The following CLTCL1 variants were observed in gnomAD, a reference collection of about 807,000 sequenced individuals.
The protein encoded by CLTCL1 is clathrin heavy chain like 1, also known as clathrin heavy chain 2.
In CLTCL1, 159 loss-of-function variants were observed where a neutral mutation model predicts 190.0. The observed-to-expected ratio is 0.84, with a 90% CI of 0.74 to 0.95. The LOEUF is 0.95. Ranked by LOEUF, CLTCL1 falls within the 40% of genes least tolerant of loss-of-function variation. CLTCL1 has a pLI of 0.00. For synonymous variants in CLTCL1, 752 were observed against 769.6 expected, an observed-to-expected ratio of 0.98 and a Z score of 0.38; for missense variants, 1,878 against 2,033.4, an observed-to-expected ratio of 0.92 and a Z score of 1.47.
chr22:19,190,639 C>T (rs1475855594), intron 27 of CLTCL1, among the ~76,000 whole-genome samples: 2 of 147,720 alleles, frequency 1.4e-5, no homozygotes, highest in Non-Finnish European at 3.0e-5. Context: ...TCACAGATCA[C>T]CATAACATAT....
rs781980213 is a variant in CLTCL1 at position 19,207,010 on chromosome 22, A to ATTTT, written c.3600+1140_3600+1143dup. ...TGATTTTTGGTGACATAAACTACTA[A>ATTTT]TTTTTTTTTTTTTTTTTTTTTTTTG... On this transcript the variant is annotated intron_variant, in intron 22 of 32. Transcript: ENST00000427926. 8.0e-3 allele frequency among the ~76,000 whole-genome samples: 745 copies of ATTTT among 92,744 alleles called. 12 individuals carry two copies. Among genetic ancestry groups the ATTTT allele is most frequent in the Non-Finnish European group, 9.5e-3 (479 of 50,270 alleles). The allele number at this position is 92,744 out of a possible 152,430, so 60.8% of individuals were successfully genotyped here. A position where few individuals can be genotyped will look rare whatever the true frequency, so the allele number is the denominator to read the frequency against.
At chr22:19,221,289 G>T in intron 17 of CLTCL1, 88 bp downstream of exon 17, 2 of 969,086 alleles carry the variant, frequency 2.1e-6, no homozygotes, top group Non-Finnish European at 3.0e-6. Flanking sequence ...TGCACAGAAA[G>T]CCCTGATCAG....
At position 19,229,848 on chromosome 22, in the gene CLTCL1, T is replaced by C; in HGVS notation, c.1772A>G (p.His591Arg). Reference protein sequence around the residue: ...QTWLLEMNLVHAPQVADAILG... With the variant: ...QTWLLEMNLVRAPQVADAILG... ...CTACAAGTCACTGACCTGGGGTGCA[T>C]GAACAAGGTTCATCTCCAACAGCCA... The change falls in exon 11 of 33, where the codon CAT becomes CGT. Residue 591 changes from histidine (H) to arginine (R), a missense_variant. Physicochemically the swap from His to Arg is conservative, Grantham distance 29 (BLOSUM62 0). Transcript: ENST00000427926. 1 of 1,608,948 alleles carries C rather than the reference T, an allele frequency of 6.2e-7. No individual in the cohort carries two copies. The highest frequency in any genetic ancestry group is 8.5e-7 in the Non-Finnish European group (1 of 1,178,156).
intron 2 of CLTCL1, among the ~76,000 whole-genome samples, chr22:19,263,031 T>TAA (rs782074357): frequency 3.9e-5 from 5 of 127,104 alleles, no homozygotes; most frequent in African/African-American, 5.8e-5. Flanking sequence ...ACTCCATCTT[T>TAA]AAAAAAAAAA....
intron 3 of CLTCL1, among the ~76,000 whole-genome samples, chr22:19,252,939 A>G (rs1051714236): frequency 5.3e-5 from 8 of 150,214 alleles, no homozygotes; most frequent in Non-Finnish European, 8.9e-5. Flanking sequence ...GCATGAACCC[A>G]GGAGGCAGAG....
chr22:19,215,452 G>A (rs1357023757), intron 19 of CLTCL1, among the ~76,000 whole-genome samples: 11 of 152,170 alleles, frequency 7.2e-5, no homozygotes, highest in Non-Finnish European at 1.2e-4. Flanking sequence ...TGGCCCATGC[G>A]GAAGCACGCA....
intron 1 of CLTCL1, among the ~76,000 whole-genome samples, chr22:19,289,725 G>A (rs1312936804): frequency 6.6e-6 from 1 of 152,140 alleles, no homozygotes; most frequent in Non-Finnish European, 1.5e-5. Context: ...AGGGAAGAAG[G>A]ATACCAGATC....
At chr22:19,287,319 T>A (rs1555990663) in intron 1 of CLTCL1, among the ~76,000 whole-genome samples, 1 of 152,108 alleles carries the variant, frequency 6.6e-6, no homozygotes, top group Non-Finnish European at 1.5e-5. Flanking sequence ...AACTCCTAAC[T>A]GACAAATCAG....
intron 2 of CLTCL1, among the ~76,000 whole-genome samples, chr22:19,272,453 G>T (rs2087352529): frequency 6.6e-6 from 1 of 151,870 alleles, no homozygotes; most frequent in South Asian, 2.1e-4. Context: ...ATTTTTTTTT[G>T]AGACAGAGTT....
chr22:19,234,848 GA>G, intron 6 of CLTCL1, 142 bp from the exon 7 acceptor site: 1 of 761,152 alleles, frequency 1.3e-6, no homozygotes, highest in Non-Finnish European at 2.2e-6. Flanking sequence ...CCCTCACAGT[GA>G]AAGGAGGCAA....
intron 2 of CLTCL1, among the ~76,000 whole-genome samples, chr22:19,270,047 C>T (rs1054197022): frequency 4.6e-5 from 7 of 151,702 alleles, no homozygotes; most frequent in Admixed American, 2.0e-4. Context: ...TTCTTAATAG[C>T]TAAAAACTGG....
chr22:19,203,227 A>G (rs2084951683), intron 22 of CLTCL1, among the ~76,000 whole-genome samples: 1 of 152,184 alleles, frequency 6.6e-6, no homozygotes, highest in African/African-American at 2.4e-5. Context: ...AGGCAGGAGA[A>G]TGGCTTGAAC....
At chr22:19,202,573 A>G (rs880002819) in intron 22 of CLTCL1, among the ~76,000 whole-genome samples, 45 of 50,532 alleles carry the variant, frequency 8.9e-4, no homozygotes, top group East Asian at 7.5e-3. Context: ...CCCTCCTTCC[A>G]TCATCCATGG....
intron 7 of CLTCL1, among the ~76,000 whole-genome samples, 175 bp from the exon 8 acceptor site, chr22:19,233,797 T>C (rs532809252): frequency 6.6e-6 from 1 of 152,292 alleles, no homozygotes; most frequent in Admixed American, 6.5e-5. Flanking sequence ...ACCATAAGTA[T>C]AGGGGAATCT....
chr22:19,243,986 C>T (rs1213209659), intron 3 of CLTCL1, among the ~76,000 whole-genome samples: 3 of 152,130 alleles, frequency 2.0e-5, no homozygotes, highest in Non-Finnish European at 4.4e-5. Context: ...CTTGAGCCAC[C>T]ATGCCCAGCC....
Position 19,208,014 on chromosome 22 carries a change from AC to A in CLTCL1, c.3600+139del, listed in dbSNP as rs2085103945. 4.3e-6 allele frequency: 4 copies of A among 935,198 alleles called. No individual in the cohort carries two copies. The South Asian group carries it at 5.6e-5, about 13-fold the overall frequency. The allele number at this position is 935,198 out of a possible 1,614,324, so 57.9% of individuals were successfully genotyped here. ...AATGCACTTGAATCATCCCCAAACC[AC>A]CCCCGACCTGTCTGTGGAAAAACTG... On this transcript the variant is annotated intron_variant, in intron 22 of 32. Coordinates refer to ENST00000427926, the MANE Select transcript of CLTCL1 (RefSeq NM_007098.4).
At chr22:19,232,375 G>GAAGAA in intron 10 of CLTCL1, 101 bp downstream of exon 10, 1 of 1,506,148 alleles carries the variant, frequency 6.6e-7, no homozygotes. Context: ...AATAGCAGAT[G>GAAGAA]AAGAAAAGCA....
intron 1 of CLTCL1, among the ~76,000 whole-genome samples, chr22:19,288,508 T>C (rs1569266308): frequency 6.6e-6 from 1 of 152,220 alleles, no homozygotes; most frequent in African/African-American, 2.4e-5. Flanking sequence ...CCTTGTGAGA[T>C]AAGAAGTATA....
At chr22:19,281,389 C>T (rs1459491184) in intron 1 of CLTCL1, among the ~76,000 whole-genome samples, 1 of 151,686 alleles carries the variant, frequency 6.6e-6, no homozygotes, top group Non-Finnish European at 1.5e-5. Flanking sequence ...AAATATACAC[C>T]TAAAAATGGT....
Sources: gnomAD v4.1 joint callset for allele counts (sites outside exome capture counted in the v4.1 genomes callset) on GRCh38, gnomAD v4.1.1 for gene constraint, MANE v1.5 for transcripts, NCBI Gene and HGNC (gene_info 2026-07-23, HGNC 2026-07-21) for gene names.